Variants in CTNND2 observed in about 807,000 individuals in gnomAD.
CTNND2 encodes catenin delta-2.
In CTNND2, 22 loss-of-function variants were observed where a neutral mutation model predicts 144.4. That is an observed-to-expected ratio of 0.15 (90% CI 0.11 to 0.22). CTNND2 has a LOEUF of 0.22. Ranked by LOEUF, CTNND2 falls within the 10% of genes least tolerant of loss-of-function variation. The probability of loss-of-function intolerance (pLI) is 1.00; values close to 1 mark genes in which losing one functional copy is unlikely to be tolerated. For missense variants in CTNND2, 1,353 were observed against 1,618.8 expected (o/e 0.84, Z 2.82); for synonymous variants, 751 against 695.6 (o/e 1.08, Z -1.25).
At chr5:11,488,552 T>C (rs143856500) in intron 3 of CTNND2, among the ~76,000 whole-genome samples, 8 of 152,326 alleles carry the variant, frequency 5.3e-5, no homozygotes, top group Admixed American at 3.9e-4. Context: ...AAAAACATGA[T>C]TGAAAAGAAT....
At chr5:11,828,044 A>C (rs1303885360) in intron 1 of CTNND2, among the ~76,000 whole-genome samples, 1 of 152,168 alleles carries the variant, frequency 6.6e-6, no homozygotes, top group African/African-American at 2.4e-5. Context: ...TTCTCCTACC[A>C]AGAGCCCAGA....
rs534822007 is a variant in CTNND2, at chr5:11,848,230, T to C, written c.37+55587A>G. Among the ~76,000 whole-genome samples the C allele has an allele frequency of 1.2e-4, 18 of 152,176 alleles. No homozygotes were observed. In the South Asian group the frequency reaches 3.5e-3, roughly 30 times the overall value. On this transcript the variant is annotated intron_variant, in intron 1 of 21. Transcript: ENST00000304623. ...TTATGGGGAAAAAATTATAACCTGG[T>C]CTAAAAAAGTACGTCTTTCAAGAAA...
chr5:11,817,409 GGGAGAGAGAGAGAGAGAGAGAGA>G (rs1793027786), intron 1 of CTNND2, among the ~76,000 whole-genome samples: 2 of 10,724 alleles, frequency 1.9e-4, no homozygotes, highest in African/African-American at 3.8e-4. Flanking sequence ...AGAGAGAGGA[GGGAGAGAGAGAGAGAGAGAGAGA>G]GAGAGAGAGA....
At chr5:11,793,620 C>A (rs1164195697) in intron 1 of CTNND2, among the ~76,000 whole-genome samples, 1 of 152,290 alleles carries the variant, frequency 6.6e-6, no homozygotes, top group South Asian at 2.1e-4. Flanking sequence ...CAAGGAACTA[C>A]CAGAAGCTGG....
chr5:11,696,360 A>G (rs1265913464), intron 2 of CTNND2, among the ~76,000 whole-genome samples: 1 of 152,238 alleles, frequency 6.6e-6, no homozygotes, highest in Non-Finnish European at 1.5e-5. Flanking sequence ...GCCATAGAAA[A>G]ACAGGCAGCA....
chr5:11,183,304 T>G lies in CTNND2; in HGVS notation c.1975+16144A>C, dbSNP rs988132374. Among the ~76,000 whole-genome samples, 4 of 152,156 alleles carry G rather than the reference T, an allele frequency of 2.6e-5. No homozygotes were observed. The East Asian group carries it at 5.8e-4, about 22-fold the overall frequency. On this transcript the variant is annotated intron_variant, in intron 11 of 21. Coordinates refer to ENST00000304623, the MANE Select transcript of CTNND2 (RefSeq NM_001332.4). Reference sequence around the variant, plus strand: ...ATACAAATTTCTATCTCCTGTTAATTTAACGAAGCCTTAGGAAGTCTCCTG... The same window carrying G: ...ATACAAATTTCTATCTCCTGTTAATGTAACGAAGCCTTAGGAAGTCTCCTG...
chr5:11,149,377 T>C (rs1363884119), intron 12 of CTNND2, among the ~76,000 whole-genome samples: 1 of 152,096 alleles, frequency 6.6e-6, no homozygotes, highest in Non-Finnish European at 1.5e-5. Flanking sequence ...AGAACAATGG[T>C]CTGGACACGG....
chr5:11,032,430 A>T (rs769162386), intron 16 of CTNND2, among the ~76,000 whole-genome samples: 60 of 152,242 alleles, frequency 3.9e-4, no homozygotes, highest in Non-Finnish European at 2.5e-4. Context: ...ATTTAAACAC[A>T]GTCTATCATC....
chr5:11,577,431 G>A (rs1189814612), intron 2 of CTNND2, among the ~76,000 whole-genome samples: 1 of 152,226 alleles, frequency 6.6e-6, no homozygotes, highest in Non-Finnish European at 1.5e-5. Context: ...GAATTTCAAA[G>A]ATGACTTTCC....
intron 9 of CTNND2, among the ~76,000 whole-genome samples, chr5:11,302,987 T>C (rs1749773161): frequency 6.6e-6 from 1 of 152,162 alleles, no homozygotes; most frequent in South Asian, 2.1e-4. Flanking sequence ...TAGCCAGACT[T>C]TGAGCCCTGG....
intron 3 of CTNND2, among the ~76,000 whole-genome samples, chr5:11,442,452 G>A (rs1764349631): frequency 6.6e-6 from 1 of 152,126 alleles, no homozygotes; most frequent in South Asian, 2.1e-4. Flanking sequence ...AATTAACTGT[G>A]TTAATGTTGA....
intron 10 of CTNND2, 35 bp downstream of exon 10, chr5:11,236,656 G>T: frequency 6.2e-7 from 1 of 1,610,340 alleles, no homozygotes; most frequent in South Asian, 1.1e-5. Context: ...TTATGAATCT[G>T]ACACCAATCA....
chr5:11,072,497 C>T (rs1294637320), intron 16 of CTNND2, among the ~76,000 whole-genome samples: 1 of 152,160 alleles, frequency 6.6e-6, no homozygotes, highest in African/African-American at 2.4e-5. Context: ...TTTAAAAAAC[C>T]AAGTTTCCCA....
At chr5:11,271,046 T>C (rs1401200472) in intron 9 of CTNND2, among the ~76,000 whole-genome samples, 2 of 152,200 alleles carry the variant, frequency 1.3e-5, no homozygotes, top group Non-Finnish European at 2.9e-5. Flanking sequence ...TGAGCCACAA[T>C]ATAAAATAAT....
intron 14 of CTNND2, among the ~76,000 whole-genome samples, chr5:11,110,126 G>A (rs61754602): frequency 6.6e-6 from 1 of 152,266 alleles, no homozygotes; most frequent in East Asian, 1.9e-4. Context: ...CTGTGGTGAG[G>A]GGTTTGGTCT....
At chr5:11,456,484 G>A (rs905962015) in intron 3 of CTNND2, among the ~76,000 whole-genome samples, 6 of 152,126 alleles carry the variant, frequency 3.9e-5, no homozygotes, top group African/African-American at 1.4e-4. Flanking sequence ...ACCCAGCAGA[G>A]AACTACGTCA....
intron 1 of CTNND2, among the ~76,000 whole-genome samples, chr5:11,809,116 T>C (rs1175473817): frequency 1.3e-5 from 2 of 152,208 alleles, no homozygotes; most frequent in Non-Finnish European, 2.9e-5. Flanking sequence ...AATTTCTCCT[T>C]GTAATAAGGA....
At chr5:11,305,769 G>C (rs1446826085) in intron 9 of CTNND2, among the ~76,000 whole-genome samples, 2 of 152,206 alleles carry the variant, frequency 1.3e-5, no homozygotes, top group Non-Finnish European at 2.9e-5. Context: ...GACTTAGATG[G>C]GCAGGTGGTG....
At chr5:11,253,789 T>C (rs961292669) in intron 9 of CTNND2, among the ~76,000 whole-genome samples, 3 of 152,236 alleles carry the variant, frequency 2.0e-5, no homozygotes, top group African/African-American at 7.2e-5. Flanking sequence ...ATCTGTATTA[T>C]TCTGCTCACC....
Sources: gnomAD v4.1 joint callset for allele counts (sites outside exome capture counted in the v4.1 genomes callset) on GRCh38, gnomAD v4.1.1 for gene constraint, MANE v1.5 for transcripts, NCBI Gene and HGNC (gene_info 2026-07-23, HGNC 2026-07-21) for gene names.